Variants in FBXL2 observed in about 807,000 individuals in gnomAD.
FBXL2 encodes the protein F-box/LRR-repeat protein 2.
A neutral mutation model predicts 69.2 loss-of-function variants in FBXL2; 38 were observed. That is an observed-to-expected ratio of 0.55 (90% confidence interval 0.42 to 0.72). The LOEUF is 0.72. Ranked by LOEUF, FBXL2 falls within the 30% of genes least tolerant of loss-of-function variation. The pLI is 0.00. For missense variants in FBXL2, 354 were observed against 520.3 expected, an observed-to-expected ratio of 0.68 and a Z score of 3.11; for synonymous variants, 192 against 201.3, an observed-to-expected ratio of 0.95 and a Z score of 0.39.
chr3:33,377,477 C>T (rs1371882829), intron 11 of FBXL2, 144 bp downstream of exon 11: 2 of 726,966 alleles, frequency 2.8e-6, no homozygotes, highest in Non-Finnish European at 2.3e-6. Context: ...GTGTGTACTG[C>T]AGTTTTTCCA....
chr3:33,349,218 A>G (rs1344644748), intron 2 of FBXL2, among the ~76,000 whole-genome samples: 4 of 152,184 alleles, frequency 2.6e-5, no homozygotes, highest in Non-Finnish European at 5.9e-5. Context: ...TTCTGCATTC[A>G]GTATGATACT....
intron 1 of FBXL2, among the ~76,000 whole-genome samples, chr3:33,280,741 A>G (rs973333664): frequency 4.6e-5 from 7 of 151,700 alleles, no homozygotes; most frequent in African/African-American, 1.7e-4. Context: ...AAAGAAAAGA[A>G]AAAAAGGCAT....
chr3:33,374,003 C>T, intron 9 of FBXL2, 82 bp downstream of exon 9: 1 of 1,326,634 alleles, frequency 7.5e-7, no homozygotes. Context: ...CTGCAGCCCC[C>T]TAGGCACCTG....
At chr3:33,372,934 C>A in intron 5 of FBXL2, 158 bp from the exon 6 acceptor site, 1 of 681,530 alleles carries the variant, frequency 1.5e-6, no homozygotes. Flanking sequence ...CATTCTAGAT[C>A]TATCATCAGA....
intron 12 of FBXL2, chr3:33,393,377 G>A (rs773123153): frequency 6.2e-6 from 10 of 1,613,294 alleles, no homozygotes; most frequent in Admixed American, 1.7e-5. Context: ...ATTTGGTGGA[G>A]AGGGATATTA....
intron 5 of FBXL2, among the ~76,000 whole-genome samples, chr3:33,369,899 C>T (rs1194974774): frequency 6.6e-6 from 1 of 152,176 alleles, no homozygotes; most frequent in African/African-American, 2.4e-5. Flanking sequence ...AGGCATGAGC[C>T]ACAGTGCCCG....
At chr3:33,384,397 C>T (rs1398420364) in intron 14 of FBXL2, among the ~76,000 whole-genome samples, 196 bp downstream of exon 14, 2 of 152,062 alleles carry the variant, frequency 1.3e-5, no homozygotes, top group Non-Finnish European at 2.9e-5. Flanking sequence ...CCCATTTCTA[C>T]TAAAAATACA....
At chr3:33,342,381 A>G (rs2040098003) in intron 2 of FBXL2, among the ~76,000 whole-genome samples, 2 of 151,386 alleles carry the variant, frequency 1.3e-5, no homozygotes, top group Admixed American at 1.3e-4. Context: ...TTTAAAGCTT[A>G]TGAATGATAA....
At chr3:33,380,421 G>T (rs2042964358) in intron 13 of FBXL2, among the ~76,000 whole-genome samples, 1 of 151,758 alleles carries the variant, frequency 6.6e-6, no homozygotes, top group African/African-American at 2.4e-5. Flanking sequence ...AGCCAGGCAT[G>T]GTGGCACATG....
At chr3:33,355,462 T>C (rs1375658210) in intron 2 of FBXL2, among the ~76,000 whole-genome samples, 1 of 152,224 alleles carries the variant, frequency 6.6e-6, no homozygotes, top group East Asian at 1.9e-4. Context: ...TTCAGAAAGT[T>C]TTCTTGTAGA....
intron 13 of FBXL2, among the ~76,000 whole-genome samples, chr3:33,380,430 T>C (rs1312734768): frequency 1.3e-5 from 2 of 151,040 alleles, no homozygotes; most frequent in East Asian, 3.9e-4. Flanking sequence ...TGGTGGCACA[T>C]GCCTATAATC....
chr3:33,277,597 C>CGG, intron 1 of FBXL2, 82 bp downstream of exon 1: 1 of 1,226,678 alleles, frequency 8.2e-7, no homozygotes, highest in Non-Finnish European at 1.0e-6. Context: ...CCGCTAGGGT[C>CGG]GGGCAGGCGG....
chr3:33,289,381 G>T (rs2034992581), intron 1 of FBXL2, among the ~76,000 whole-genome samples: 1 of 152,076 alleles, frequency 6.6e-6, no homozygotes. Flanking sequence ...TTACGATGTT[G>T]CAAATTGCAA....
intron 4 of FBXL2, among the ~76,000 whole-genome samples, chr3:33,363,837 A>G (rs573166239): frequency 6.6e-6 from 1 of 152,262 alleles, no homozygotes; most frequent in East Asian, 1.9e-4. Context: ...GTGCCATGGC[A>G]TGTTCCTGTA....
At chr3:33,421,306 C>T in the FBXL2 span, among the ~76,000 whole-genome samples, 6 of 28,772 alleles carry the variant, frequency 2.1e-4, no homozygotes, top group African/African-American at 4.0e-4. Context: ...TTGCAGGGGG[C>T]GGGGGCGGGG....
At chr3:33,357,383 A>G (rs1380712855) in intron 2 of FBXL2, among the ~76,000 whole-genome samples, 1 of 152,176 alleles carries the variant, frequency 6.6e-6, no homozygotes, top group East Asian at 1.9e-4. Flanking sequence ...GGATGGTCAT[A>G]TGTCACAGAA....
chr3:33,298,462 G>A (rs1208074092), intron 2 of FBXL2, among the ~76,000 whole-genome samples: 1 of 151,900 alleles, frequency 6.6e-6, no homozygotes, highest in Admixed American at 6.6e-5. Context: ...ACTTGAGGCC[G>A]GGAATTTGAG....
intron 2 of FBXL2, among the ~76,000 whole-genome samples, chr3:33,325,509 T>C (rs566711696): frequency 1.3e-5 from 2 of 152,230 alleles, no homozygotes; most frequent in Non-Finnish European, 2.9e-5. Flanking sequence ...GAAGGGGTGC[T>C]GAATTTTGTT....
chr3:33,338,317 C>T (rs2039746204), intron 2 of FBXL2, among the ~76,000 whole-genome samples: 1 of 152,038 alleles, frequency 6.6e-6, no homozygotes, highest in African/African-American at 2.4e-5. Flanking sequence ...GAGGCTGAGG[C>T]AGGAGAACCA....
Sources: gnomAD v4.1 joint callset for allele counts (sites outside exome capture counted in the v4.1 genomes callset) on GRCh38, gnomAD v4.1.1 for gene constraint, MANE v1.5 for transcripts, NCBI Gene and HGNC (gene_info 2026-07-23, HGNC 2026-07-21) for gene names.